The following HDGFL2 variants were observed in gnomAD, a reference collection of about 807,000 sequenced individuals.
The protein encoded by HDGFL2 is HDGF like 2.
Under a neutral mutation model 77.1 loss-of-function variants are expected in HDGFL2, and 36 were observed. The ratio of observed to expected loss-of-function variants is 0.47; its 90% CI spans 0.36 to 0.62. HDGFL2 has a LOEUF of 0.62. Ranked by LOEUF, HDGFL2 falls within the 20% of genes least tolerant of loss-of-function variation. The probability of loss-of-function intolerance (pLI) is 0.00; values close to 1 mark genes in which losing one functional copy is unlikely to be tolerated. For missense variants in HDGFL2, 976 were observed against 973.4 expected, an observed-to-expected ratio of 1.00 and a Z score of -0.04; for synonymous variants, 463 against 413.1, an observed-to-expected ratio of 1.12 and a Z score of -1.46.
chr19:4,484,871 C>T (rs1489702614), intron 3 of HDGFL2, among the ~76,000 whole-genome samples: 1 of 151,874 alleles, frequency 6.6e-6, no homozygotes, highest in Non-Finnish European at 1.5e-5. Flanking sequence ...CGGGGTTTCA[C>T]CATGTTAGCA....
chr19:4,488,584 G>A (rs972605293), intron 3 of HDGFL2, 92 bp from the exon 4 acceptor site: 83 of 1,139,276 alleles, frequency 7.3e-5, no homozygotes, highest in Non-Finnish European at 9.8e-5. Context: ...TCAGGATCCC[G>A]CATGTGGTTG....
At chr19:4,472,450 T>TGGGGGGGGGG (rs57169858) in intron 1 of HDGFL2, 28 bp downstream of exon 1, 31 of 282,824 alleles carry the variant, frequency 1.1e-4, no homozygotes, top group South Asian at 2.3e-4. Flanking sequence ...ATGGGGCCGG[T>TGGGGGGGGGG]GGGGGGGGGG....
intron 4 of HDGFL2, among the ~76,000 whole-genome samples, chr19:4,489,773 T>C (rs1386964710): frequency 6.6e-6 from 1 of 152,192 alleles, no homozygotes; most frequent in Non-Finnish European, 1.5e-5. Context: ...CCATACACCA[T>C]GAGATTCATC....
At chr19:4,490,307 G>A (rs974647080) in intron 4 of HDGFL2, among the ~76,000 whole-genome samples, 6 of 152,250 alleles carry the variant, frequency 3.9e-5, no homozygotes, top group African/African-American at 1.4e-4. Flanking sequence ...GGCTGGTCTC[G>A]AACTCCTGAC....
intron 3 of HDGFL2, among the ~76,000 whole-genome samples, chr19:4,482,321 T>G (rs1013847289): frequency 5.3e-5 from 8 of 152,048 alleles, no homozygotes; most frequent in African/African-American, 1.7e-4. Flanking sequence ...GTGATTCTCC[T>G]GTCTCAGCCT....
intron 3 of HDGFL2, among the ~76,000 whole-genome samples, chr19:4,484,304 G>A (rs571257941): frequency 1.3e-5 from 2 of 149,498 alleles, no homozygotes; most frequent in East Asian, 2.0e-4. Context: ...GGCTGGTCTC[G>A]AACTCCTGAC....
At chr19:4,493,349 C>T (rs915444278) in intron 6 of HDGFL2, among the ~76,000 whole-genome samples, 1 of 148,596 alleles carries the variant, frequency 6.7e-6, no homozygotes, top group Non-Finnish European at 1.5e-5. Context: ...GCAGGGTACT[C>T]GGGTGGAGGC....
chr19:4,473,468 G>A (rs1974996225), intron 1 of HDGFL2, among the ~76,000 whole-genome samples: 1 of 151,892 alleles, frequency 6.6e-6, no homozygotes, highest in African/African-American at 2.4e-5. Flanking sequence ...GGGATCCCAG[G>A]CCTGAGGGCT....
intron 15 of HDGFL2, 162 bp downstream of exon 15, chr19:4,501,479 C>T (rs754358988): frequency 5.2e-6 from 4 of 765,520 alleles, no homozygotes; most frequent in Non-Finnish European, 5.8e-6. Context: ...CAGGGCCCCG[C>T]TGGCTGGCAC....
chr19:4,472,431 G>C lies in HDGFL2; in HGVS notation c.72+9G>C. ...CTCACTGGCCTGCCAGGGTGAGGCCGCGCGGGAGATGGGGCCGGTGGGGGG... is the reference window on the plus strand; with the variant it reads ...CTCACTGGCCTGCCAGGGTGAGGCCCCGCGGGAGATGGGGCCGGTGGGGGG... On this transcript the variant is annotated intron_variant, in intron 1 of 15. Coordinates refer to ENST00000616600, the MANE Select transcript of HDGFL2 (RefSeq NM_001001520.3). 7.9e-7 allele frequency: 1 copy of C among 1,271,988 alleles called. No individual in the cohort carries two copies. The highest frequency in any genetic ancestry group is 1.0e-6 in the Non-Finnish European group (1 of 952,696). 78.8% of individuals were successfully genotyped at this position (1,271,988 alleles called of 1,614,324 possible). A position where few individuals can be genotyped will look rare whatever the true frequency, so the allele number is the denominator to read the frequency against.
At chr19:4,499,130 G>A (rs955560584) in intron 13 of HDGFL2, among the ~76,000 whole-genome samples, 2 of 151,662 alleles carry the variant, frequency 1.3e-5, no homozygotes, top group Non-Finnish European at 2.9e-5. Context: ...GGCGGATCAC[G>A]AGGTCAGGAG....
chr19:4,473,367 T>G (rs1974993870), intron 1 of HDGFL2, among the ~76,000 whole-genome samples: 1 of 148,080 alleles, frequency 6.8e-6, no homozygotes, highest in South Asian at 2.1e-4. Context: ...CCACGCCTCG[T>G]GTGTCTGGGG....
rs1158856025 is a variant in HDGFL2, at chr19:4,496,373, G to A, written c.1296G>A (p.Lys432=). The change falls in exon 10 of 16, where the codon AAG becomes AAA. Residue 432 remains lysine (K), a synonymous_variant. Coordinates refer to ENST00000616600, the MANE Select transcript of HDGFL2 (RefSeq NM_001001520.3). The part of the protein sequence containing the change: ...EPARKPGQKE[K]RVRPEEKQQA... ...CCAGGAAACCTGGCCAGAAGGAGAA[G>A]AGAGTGCGGCCCGAGGAGAAGCAAC... is the stretch of plus-strand genomic sequence containing the variant. The A allele has an allele frequency of 6.2e-7, 1 of 1,614,046 alleles. No individual in the cohort carries two copies. The highest frequency in any genetic ancestry group is 2.2e-5 in the East Asian group (1 of 44,858).
At chr19:4,482,427 C>A (rs1392137610) in intron 3 of HDGFL2, among the ~76,000 whole-genome samples, 7 of 152,082 alleles carry the variant, frequency 4.6e-5, no homozygotes, top group Admixed American at 4.6e-4. Context: ...CCAGGCTGAT[C>A]TCGAACTCCT....
chr19:4,483,223 CG>C (rs970170517), intron 3 of HDGFL2, among the ~76,000 whole-genome samples: 12 of 152,200 alleles, frequency 7.9e-5, no homozygotes, highest in African/African-American at 2.4e-4. Context: ...AAAACGTGCT[CG>C]GGCCGAGCGG....
chr19:4,498,906 C>T lies in HDGFL2; in HGVS notation c.1566C>T (p.Thr522=). 6.2e-7 allele frequency: 1 copy of T among 1,607,922 alleles called. No homozygotes were observed. The highest frequency in any genetic ancestry group is 1.1e-5 in the South Asian group (1 of 90,306). ...AGAAGAACACAGACGTGGTGGCCAC[C>T]TTGAAGAAGGTATGGCGGGGGAATC... The part of the protein sequence containing the change: ...ILQKNTDVVA[T]LKKIRRYKAN... The change falls in exon 13 of 16, where the codon ACC becomes ACT. Residue 522 remains threonine, a synonymous_variant. Transcript: ENST00000616600.
chr19:4,501,186 C>T lies in HDGFL2; in HGVS notation c.1790-5C>T, dbSNP rs1463689815. ...AGTGTCCTGTGACCCCTCTGTCCCACCCAGATCTCTCAGCCCCAGTGAATG... is the reference window on the plus strand; with the variant it reads ...AGTGTCCTGTGACCCCTCTGTCCCATCCAGATCTCTCAGCCCCAGTGAATG... On this transcript the variant is annotated splice_region_variant and splice_polypyrimidine_tract_variant and intron_variant, in intron 14 of 15. Transcript: ENST00000616600. The T allele has an allele frequency of 1.2e-6, 2 of 1,613,156 alleles. No homozygotes were observed. The highest frequency in any genetic ancestry group is 1.7e-6 in the Non-Finnish European group (2 of 1,179,836).
rs1456979518 is a variant in HDGFL2 at position 4,493,827 on chromosome 19, T to G, written c.803T>G (p.Val268Gly). The G allele has an allele frequency of 3.3e-6, 5 of 1,530,710 alleles. No individual in the cohort carries two copies. In the Admixed American group the frequency reaches 6.1e-5, roughly 19 times the overall value. 94.8% of individuals were successfully genotyped at this position (1,530,710 alleles called of 1,614,324 possible). A position where few individuals can be genotyped will look rare whatever the true frequency, so the allele number is the denominator to read the frequency against. The change falls in exon 7 of 16, where the codon GTG becomes GGG. Residue 268 changes from valine to glycine, a missense_variant. By Grantham distance (109) the Val-to-Gly change is moderately radical. Coordinates refer to ENST00000616600, the MANE Select transcript of HDGFL2 (RefSeq NM_001001520.3). ...TCCTCCTCCTCCTCCGACTCCGATG[T>G]GTCTGTGAAGAAGCCTCCGAGGGGC... ...SSSSSSSDSD[V>G]SVKKPPRGRK...
At chr19:4,498,182 G>T (rs1975759701) in intron 11 of HDGFL2, 124 bp from the exon 12 acceptor site, 3 of 1,141,602 alleles carry the variant, frequency 2.6e-6, no homozygotes, top group South Asian at 2.7e-5. Context: ...AGGGGTGGGG[G>T]CTGAGCCTGC....
Sources: gnomAD v4.1 joint callset for allele counts (sites outside exome capture counted in the v4.1 genomes callset) on GRCh38, gnomAD v4.1.1 for gene constraint, MANE v1.5 for transcripts, NCBI Gene and HGNC (gene_info 2026-07-23, HGNC 2026-07-21) for gene names.